SLC24A2: variants seen among roughly 807,000 people sequenced by gnomAD.
SLC24A2 encodes the protein sodium/potassium/calcium exchanger 2.
SLC24A2 carries 36 observed loss-of-function variants against 62.0 expected under a neutral mutation model. The observed-to-expected ratio is 0.58, with a 90% CI of 0.44 to 0.77. The LOEUF (loss-of-function observed/expected upper bound fraction) is 0.77. Ranked by LOEUF, SLC24A2 falls within the 30% of genes least tolerant of loss-of-function variation. SLC24A2 has a pLI of 0.00. For missense variants in SLC24A2, 846 were observed against 817.9 expected, an observed-to-expected ratio of 1.03 and a Z score of -0.42; for synonymous variants, 358 against 294.0, an observed-to-expected ratio of 1.22 and a Z score of -2.23.
chr9:19,979,260 T>C, the SLC24A2 span, among the ~76,000 whole-genome samples: 1 of 152,216 alleles, frequency 6.6e-6, no homozygotes, highest in African/African-American at 2.4e-5. Context: ...AGGTTCTGGT[T>C]CAGTGTGTCT....
chr9:19,601,846 T>A (rs1034601058), intron 4 of SLC24A2, among the ~76,000 whole-genome samples: 1 of 152,192 alleles, frequency 6.6e-6, no homozygotes, highest in Non-Finnish European at 1.5e-5. Context: ...AAATACTAGT[T>A]GTATTCTAGA....
chr9:20,211,631 A>T, the SLC24A2 span, among the ~76,000 whole-genome samples: 102 of 152,354 alleles, frequency 6.7e-4, no homozygotes, highest in African/African-American at 2.4e-3. Context: ...TGGTTGCAAA[A>T]ACAAAAACTG....
intron 2 of SLC24A2, among the ~76,000 whole-genome samples, chr9:19,702,952 A>C (rs1820400338): frequency 9.7e-6 from 1 of 102,834 alleles, no homozygotes; most frequent in South Asian, 2.6e-4. Flanking sequence ...AATAAAAAAT[A>C]ATAATTTTTA....
intron 3 of SLC24A2, 122 bp from the exon 4 acceptor site, chr9:19,619,814 C>T (rs1029639352): frequency 2.8e-5 from 21 of 744,922 alleles, no homozygotes; most frequent in Non-Finnish European, 4.8e-5. Context: ...AGTATTGAGC[C>T]AAAGATTTTC....
chr9:19,748,613 T>C (rs1821898719), intron 2 of SLC24A2, among the ~76,000 whole-genome samples: 2 of 152,106 alleles, frequency 1.3e-5, no homozygotes, highest in African/African-American at 2.4e-5. Context: ...TTTCCAGCAA[T>C]ATTGGTCAGT....
chr9:19,837,709 C>G, the SLC24A2 span, among the ~76,000 whole-genome samples: 9 of 152,144 alleles, frequency 5.9e-5, no homozygotes, highest in African/African-American at 2.2e-4. Context: ...TGATAAGCAA[C>G]TTCAGCAAAG....
At chr9:20,084,442 TCTTC>T in the SLC24A2 span, among the ~76,000 whole-genome samples, 2 of 151,884 alleles carry the variant, frequency 1.3e-5, no homozygotes, top group African/African-American at 4.8e-5. Context: ...TTTCTTCCTT[TCTTC>T]CTTCCTTCCT....
intron 2 of SLC24A2, among the ~76,000 whole-genome samples, chr9:19,766,638 A>G (rs1362427345): frequency 6.6e-6 from 1 of 152,200 alleles, no homozygotes; most frequent in African/African-American, 2.4e-5. Flanking sequence ...GCAGAACAGC[A>G]AAGATTGATG....
the SLC24A2 span, among the ~76,000 whole-genome samples, chr9:19,935,154 C>T: frequency 6.6e-6 from 1 of 151,610 alleles, no homozygotes; most frequent in Non-Finnish European, 1.5e-5. Flanking sequence ...GTTTGCATCA[C>T]TTGGGTTGCT....
chr9:19,943,944 C>A, the SLC24A2 span, among the ~76,000 whole-genome samples: 1 of 151,986 alleles, frequency 6.6e-6, no homozygotes, highest in African/African-American at 2.4e-5. Context: ...ATTTGAACAC[C>A]ACATTTTTCT....
At position 19,511,004 on chromosome 9, in the gene SLC24A2, G is replaced by C. The variant is rs987141716; in HGVS notation, c.*5149C>G. 10 of 152,348 alleles carry C rather than the reference G, an allele frequency of 6.6e-5. No individual in the cohort carries two copies. The highest frequency in any genetic ancestry group is 1.3e-4 in the Non-Finnish European group (9 of 68,062). The allele number at this position is 152,348 out of a possible 1,614,324, so 9.4% of individuals were successfully genotyped here. A position where few individuals can be genotyped will look rare whatever the true frequency, so the allele number is the denominator to read the frequency against. On this transcript the variant is annotated 3_prime_UTR_variant, in exon 11 of 11. Coordinates refer to ENST00000341998, the MANE Select transcript of SLC24A2 (RefSeq NM_020344.4). ...GGTGCCCCATGTGTGAGGAAGGCAT[G>C]CAAAATGCCAGTGTGTACATTAGCT...
At chr9:19,527,714 C>G (rs1219209711) in intron 9 of SLC24A2, among the ~76,000 whole-genome samples, 3 of 152,178 alleles carry the variant, frequency 2.0e-5, no homozygotes, top group African/African-American at 7.2e-5. Context: ...AGTGGCTGCT[C>G]AAGATAAAGT....
At chr9:19,851,562 A>G in the SLC24A2 span, among the ~76,000 whole-genome samples, 1 of 152,040 alleles carries the variant, frequency 6.6e-6, no homozygotes, top group Non-Finnish European at 1.5e-5. Flanking sequence ...CCCGCTTATA[A>G]GTGAGAACCT....
At chr9:20,170,301 A>G in the SLC24A2 span, among the ~76,000 whole-genome samples, 1 of 151,978 alleles carries the variant, frequency 6.6e-6, no homozygotes, top group East Asian at 1.9e-4. Flanking sequence ...CAGCAAGGCA[A>G]TTTACTTCTG....
At chr9:19,930,280 A>G in the SLC24A2 span, among the ~76,000 whole-genome samples, 5 of 152,340 alleles carry the variant, frequency 3.3e-5, no homozygotes, top group East Asian at 9.6e-4. Context: ...CTTCTATAGC[A>G]TATATTTACT....
the SLC24A2 span, among the ~76,000 whole-genome samples, chr9:20,286,038 A>T: frequency 6.6e-6 from 1 of 152,256 alleles, no homozygotes; most frequent in Non-Finnish European, 1.5e-5. Flanking sequence ...AGACTAACAC[A>T]GTCCCCTTCC....
chr9:20,080,923 A>G, the SLC24A2 span, among the ~76,000 whole-genome samples: 1 of 152,168 alleles, frequency 6.6e-6, no homozygotes, highest in Non-Finnish European at 1.5e-5. Context: ...CAAAACCACA[A>G]TGAGATAACA....
chr9:19,794,994 A>G, the SLC24A2 span, among the ~76,000 whole-genome samples: 1 of 152,244 alleles, frequency 6.6e-6, no homozygotes, highest in Non-Finnish European at 1.5e-5. Context: ...AAGAGGAGCC[A>G]TGTGCCTTGA....
chr9:19,758,052 A>C (rs1320857213), intron 2 of SLC24A2, among the ~76,000 whole-genome samples: 2 of 152,148 alleles, frequency 1.3e-5, no homozygotes, highest in African/African-American at 4.8e-5. Flanking sequence ...ACCATGAGCT[A>C]AATAAACTTT....
Sources: allele counts gnomAD v4.1 joint callset (sites outside exome capture counted in the v4.1 genomes callset), GRCh38; gene constraint gnomAD v4.1.1; transcripts MANE v1.5; gene names NCBI Gene and HGNC (gene_info 2026-07-23, HGNC 2026-07-21).